The following GBF1 variants were observed in gnomAD, a reference collection of about 807,000 sequenced individuals.
GBF1 encodes Golgi-specific brefeldin A-resistance guanine nucleotide exchange factor 1.
Under a neutral mutation model 210.5 loss-of-function variants are expected in GBF1, and 114 were observed. The observed-to-expected ratio is 0.54, with a 90% CI of 0.47 to 0.63. The LOEUF (loss-of-function observed/expected upper bound fraction) is 0.63. GBF1 is among the 30% of genes least tolerant of loss of function. The pLI is 0.00. For missense variants in GBF1, 1,851 were observed against 2,357.7 expected (o/e 0.79, Z 4.45); for synonymous variants, 850 against 889.2 (o/e 0.96, Z 0.78).
At chr10:102,349,548 A>T (rs1285855316) in intron 4 of GBF1, among the ~76,000 whole-genome samples, 1 of 152,152 alleles carries the variant, frequency 6.6e-6, no homozygotes, top group Admixed American at 6.6e-5. Flanking sequence ...TTCAAAAGAA[A>T]GAGAGAGAAA....
At chr10:102,274,331 C>T (rs904043100) in intron 3 of GBF1, among the ~76,000 whole-genome samples, 1 of 152,088 alleles carries the variant, frequency 6.6e-6, no homozygotes, top group African/African-American at 2.4e-5. Context: ...TGTCCCACCT[C>T]CACCCTGTGC....
At position 102,381,158 on chromosome 10, in the gene GBF1, G is replaced by C; in HGVS notation, c.5205G>C (p.Lys1735Asn). The C allele has an allele frequency of 6.2e-7, 1 of 1,613,994 alleles. No homozygotes were observed. Among genetic ancestry groups the C allele is most frequent in the Non-Finnish European group, 8.5e-7 (1 of 1,179,944 alleles). The change falls in exon 39 of 40, where the codon AAG becomes AAC. Residue 1735 changes from lysine (K) to asparagine (N), a missense_variant. Lys to Asn is a moderately conservative substitution (Grantham distance 94, BLOSUM62 0). This residue lies in a region of GBF1 where 967 missense variants were observed against 1,247.7 expected (regional missense o/e 0.78). Coordinates refer to ENST00000369983, the MANE Select transcript of GBF1 (RefSeq NM_001377137.1). Reference protein sequence around the residue: ...DPMPMEPQGQKPLASAHLTSA... With the variant: ...DPMPMEPQGQNPLASAHLTSA... Reference sequence around the variant, plus strand: ...TGCCCATGGAGCCTCAAGGCCAAAAGCCTCTCGCCTCAGCCCACCTGACTT... The same window carrying C: ...TGCCCATGGAGCCTCAAGGCCAAAACCCTCTCGCCTCAGCCCACCTGACTT...
At position 102,361,781 on chromosome 10, in the gene GBF1, A is replaced by G. The variant is rs763636249; in HGVS notation, c.1555A>G (p.Lys519Glu). The change falls in exon 14 of 40, where the codon AAG becomes GAG. Residue 519 changes from lysine (K) to glutamate (E), a missense_variant. Physicochemically the swap from Lys to Glu is moderately conservative, Grantham distance 56. Transcript: ENST00000369983. ...GAACCCCAAGATGCCTTATGAGATGAAGGAGATGGCACTGGAGGCCATTGT... is the reference window on the plus strand; with the variant it reads ...GAACCCCAAGATGCCTTATGAGATGGAGGAGATGGCACTGGAGGCCATTGT... ...VENPKMPYEM[K>E]EMALEAIVQL... 1.9e-6 allele frequency: 3 copies of G among 1,613,678 alleles called. No individual in the cohort carries two copies. In the East Asian group the frequency reaches 6.7e-5, roughly 36 times the overall value.
chr10:102,316,493 C>T (rs2078946698), intron 3 of GBF1, among the ~76,000 whole-genome samples: 1 of 152,172 alleles, frequency 6.6e-6, no homozygotes, highest in Admixed American at 6.5e-5. Flanking sequence ...TTCCTCTTAC[C>T]TGTTCTCCAT....
intron 24 of GBF1, 90 bp from the exon 25 acceptor site, chr10:102,369,621 G>A (rs1056660413): frequency 7.4e-6 from 9 of 1,211,526 alleles, no homozygotes; most frequent in Non-Finnish European, 1.1e-5. Flanking sequence ...CAGAAGACTA[G>A]AGGAGGAAAT....
At chr10:102,367,296 A>G (rs1353239861) in intron 20 of GBF1, 86 bp downstream of exon 20, 4 of 1,416,960 alleles carry the variant, frequency 2.8e-6, no homozygotes, top group Non-Finnish European at 3.0e-6. Context: ...AGTGGGCATG[A>G]TGGATGGGGT....
At chr10:102,304,990 AAAGAAAG>A (rs1243315556) in intron 3 of GBF1, among the ~76,000 whole-genome samples, 67 of 436 alleles carry the variant, frequency 0.15, 1 homozygote, top group South Asian at 0.25. Flanking sequence ...TCTTAAAAAA[AAAGAAAG>A]AAAGAAAGAA....
At chr10:102,307,558 A>C (rs2078004958) in intron 3 of GBF1, among the ~76,000 whole-genome samples, 1 of 152,142 alleles carries the variant, frequency 6.6e-6, no homozygotes, top group Non-Finnish European at 1.5e-5. Flanking sequence ...TGGGAGGCCA[A>C]GGCAGGCGGA....
chr10:102,302,449 A>C (rs1211950441), intron 3 of GBF1, among the ~76,000 whole-genome samples: 1 of 149,850 alleles, frequency 6.7e-6, no homozygotes, highest in African/African-American at 2.4e-5. Context: ...ATGCCATACC[A>C]AAAAAAAAAT....
intron 3 of GBF1, among the ~76,000 whole-genome samples, chr10:102,323,941 T>C (rs535135205): frequency 6.6e-6 from 1 of 152,218 alleles, no homozygotes; most frequent in South Asian, 2.1e-4. Context: ...CCTGCCTGCC[T>C]ACTTTCTAGG....
chr10:102,258,774 C>CAAAAAAAA (rs74634439), intron 1 of GBF1, among the ~76,000 whole-genome samples, 155 bp from the exon 2 acceptor site: 10 of 79,476 alleles, frequency 1.3e-4, no homozygotes, highest in Non-Finnish European at 1.4e-4. Flanking sequence ...AACTCTGCCT[C>CAAAAAAAA]AAAAAAAAAA....
At chr10:102,281,988 G>A (rs1295863310) in intron 3 of GBF1, among the ~76,000 whole-genome samples, 3 of 148,060 alleles carry the variant, frequency 2.0e-5, no homozygotes, top group African/African-American at 5.0e-5. Flanking sequence ...GTGCAGTGGC[G>A]CGATCTTGGC....
chr10:102,376,190 C>G (rs920808650), intron 30 of GBF1, 82 bp from the exon 31 acceptor site: 65 of 1,119,056 alleles, frequency 5.8e-5, no homozygotes, highest in Non-Finnish European at 7.1e-5. Context: ...GCCTCAGCAT[C>G]TTTTTTCTGA....
At chr10:102,257,784 A>T (rs1342945546) in intron 1 of GBF1, among the ~76,000 whole-genome samples, 1 of 150,580 alleles carries the variant, frequency 6.6e-6, no homozygotes, top group Middle Eastern at 3.3e-3. Flanking sequence ...AGCGAGAGAG[A>T]GTGTCTCGAT....
At chr10:102,231,488 C>T in the GBF1 span, 2 of 785,434 alleles carry the variant, frequency 2.5e-6, no homozygotes, top group African/African-American at 1.7e-5. Context: ...GGTCCGGGGT[C>T]CGAGGGAGGG....
intron 1 of GBF1, 79 bp from the exon 2 acceptor site, chr10:102,258,850 T>C (rs929950363): frequency 1.4e-6 from 1 of 728,972 alleles, no homozygotes; most frequent in Admixed American, 1.8e-5. Context: ...TCTAACCTTA[T>C]CAGGTACTGA....
At chr10:102,337,615 G>C (rs113877297) in intron 3 of GBF1, among the ~76,000 whole-genome samples, 299 of 152,218 alleles carry the variant, frequency 2.0e-3, no homozygotes, top group African/African-American at 6.9e-3. Flanking sequence ...ACTTTGGGAG[G>C]CTGAGACAGG....
chr10:102,234,832 C>A, the GBF1 span, among the ~76,000 whole-genome samples: 1 of 152,162 alleles, frequency 6.6e-6, no homozygotes, highest in Non-Finnish European at 1.5e-5. Flanking sequence ...TTCCAAATTA[C>A]CCTGTCCCCG....
intron 3 of GBF1, among the ~76,000 whole-genome samples, chr10:102,296,308 G>C (rs941395880): frequency 2.0e-5 from 3 of 152,166 alleles, no homozygotes; most frequent in African/African-American, 7.2e-5. Flanking sequence ...ATTGTCTCCT[G>C]TTTCCTAACC....
Sources: allele counts gnomAD v4.1 joint callset (sites outside exome capture counted in the v4.1 genomes callset), GRCh38; gene constraint gnomAD v4.1.1; regional missense constraint gnomAD v4.1.1; transcripts MANE v1.5; gene names NCBI Gene and HGNC (gene_info 2026-07-23, HGNC 2026-07-21).